Variants in STAG1 observed in about 807,000 individuals in gnomAD.
The protein encoded by STAG1 is cohesin subunit SA-1.
Under a neutral mutation model 170.9 loss-of-function variants are expected in STAG1, and 26 were observed. The ratio of observed to expected loss-of-function variants is 0.15; its 90% CI spans 0.11 to 0.21. The LOEUF is 0.21. STAG1 is among the 10% of genes least tolerant of loss of function. The pLI, the probability that STAG1 is intolerant of heterozygous loss-of-function variation, is 1.00. For missense variants in STAG1, 964 were observed against 1,509.5 expected, an observed-to-expected ratio of 0.64 and a Z score of 5.99; for synonymous variants, 514 against 497.7, an observed-to-expected ratio of 1.03 and a Z score of -0.44.
chr3:136,466,044 A>C (rs1265727989), intron 12 of STAG1, among the ~76,000 whole-genome samples: 4 of 152,142 alleles, frequency 2.6e-5, no homozygotes, highest in Non-Finnish European at 5.9e-5. Flanking sequence ...TAAAACCACA[A>C]AGATGGGGAA....
chr3:136,366,540 T>G (rs901311193), intron 25 of STAG1, among the ~76,000 whole-genome samples: 21 of 152,056 alleles, frequency 1.4e-4, no homozygotes, highest in African/African-American at 5.1e-4. Context: ...AAGACACAAG[T>G]AGATCAAATG....
At chr3:136,700,876 C>CTTTTTTTTTTTTTTTTTTTTTTT (rs35459362) in intron 1 of STAG1, among the ~76,000 whole-genome samples, 2 of 78,358 alleles carry the variant, frequency 2.6e-5, no homozygotes, top group Non-Finnish European at 4.6e-5. Context: ...TATTTTTTTT[C>CTTTTTTTTTTTTTTTTTTTTTTT]TTTTTTTTTT....
intron 5 of STAG1, among the ~76,000 whole-genome samples, chr3:136,561,904 C>A (rs1432996571): frequency 6.6e-6 from 1 of 151,568 alleles, no homozygotes; most frequent in Admixed American, 6.6e-5. Flanking sequence ...TGAATACCTT[C>A]CACCCAAATT....
chr3:136,551,190 A>G (rs1438071627), intron 5 of STAG1, among the ~76,000 whole-genome samples: 103 of 119,742 alleles, frequency 8.6e-4, no homozygotes, highest in Non-Finnish European at 1.1e-3. Context: ...TGAGAGAGAG[A>G]GAGAGGTTGA....
rs80038866 is a variant in STAG1 at position 136,735,457 on chromosome 3, C to T, written c.-84+16738G>A. Among the ~76,000 whole-genome samples, 295 of 149,318 alleles carry T rather than the reference C, an allele frequency of 2.0e-3. 2 individuals carry two copies. Among genetic ancestry groups the T allele is most frequent in the Middle Eastern group, 0.011 (3 of 264 alleles). On this transcript the variant is annotated intron_variant, in intron 1 of 33. Transcript: ENST00000383202. Reference sequence around the variant, plus strand: ...CTGCATTTTTTTTTTCCTTTTTTGACGCAGGGTCTCATTTTGTTGCCCAGG... The same window carrying T: ...CTGCATTTTTTTTTTCCTTTTTTGATGCAGGGTCTCATTTTGTTGCCCAGG...
intron 22 of STAG1, among the ~76,000 whole-genome samples, chr3:136,395,935 G>A (rs906221237): frequency 7.9e-5 from 12 of 152,028 alleles, no homozygotes; most frequent in African/African-American, 2.2e-4. Flanking sequence ...CAAGAGGCTC[G>A]CTCTGTCACC....
intron 1 of STAG1, among the ~76,000 whole-genome samples, chr3:136,701,413 T>C (rs1943057422): frequency 6.6e-6 from 1 of 152,160 alleles, no homozygotes; most frequent in Non-Finnish European, 1.5e-5. Flanking sequence ...CGTGTGTGTG[T>C]GTGTATAAAA....
intron 1 of STAG1, among the ~76,000 whole-genome samples, chr3:136,734,015 G>A (rs1222460331): frequency 1.3e-5 from 2 of 151,256 alleles, no homozygotes; most frequent in East Asian, 1.9e-4. Context: ...GCTGAGGCAG[G>A]AGAATGGCGT....
intron 1 of STAG1, among the ~76,000 whole-genome samples, chr3:136,633,962 T>TAAAAAAAAAAAAAAAAAAAAAAAAA (rs67810422): frequency 2.0e-5 from 1 of 50,354 alleles, no homozygotes; most frequent in Non-Finnish European, 4.2e-5. Flanking sequence ...TGTCTCTACT[T>TAAAAAAAAAAAAAAAAAAAAAAAAA]AAAAAAAAAA....
At chr3:136,580,168 C>G (rs1003626620) in intron 4 of STAG1, among the ~76,000 whole-genome samples, 12 of 151,864 alleles carry the variant, frequency 7.9e-5, no homozygotes, top group African/African-American at 2.9e-4. Flanking sequence ...GAGGTTTCAT[C>G]ATGTTGGCCA....
intron 22 of STAG1, among the ~76,000 whole-genome samples, chr3:136,391,367 TC>T (rs2087004955): frequency 2.1e-5 from 2 of 96,150 alleles, no homozygotes; most frequent in African/African-American, 6.5e-5. Flanking sequence ...ACTTTAGCCC[TC>T]TTTTTTTTTT....
At chr3:136,499,438 A>T (rs1262057784) in intron 9 of STAG1, among the ~76,000 whole-genome samples, 1 of 152,190 alleles carries the variant, frequency 6.6e-6, no homozygotes, top group Non-Finnish European at 1.5e-5. Context: ...TTAGGATTAC[A>T]GGGATGAGCG....
intron 20 of STAG1, among the ~76,000 whole-genome samples, chr3:136,420,211 C>T (rs929275222): frequency 1.6e-5 from 2 of 122,562 alleles, no homozygotes; most frequent in African/African-American, 6.3e-5. Context: ...CGGGCCACTA[C>T]ATTCCAGTCT....
rs150795750 is a variant in STAG1 at position 136,563,536 on chromosome 3, A to ACTCT, written c.394+5225_394+5228dup. Among the ~76,000 whole-genome samples, 200 of 136,610 alleles carry ACTCT rather than the reference A, an allele frequency of 1.5e-3. 1 individual carries two copies. The highest frequency in any genetic ancestry group is 3.7e-3 in the African/African-American group (128 of 34,526). The allele number at this position is 136,610 out of a possible 152,430, so 89.6% of individuals were successfully genotyped here. A position where few individuals can be genotyped will look rare whatever the true frequency, so the allele number is the denominator to read the frequency against. On this transcript the variant is annotated intron_variant, in intron 5 of 33. Coordinates refer to ENST00000383202, the MANE Select transcript of STAG1 (RefSeq NM_005862.3). ...CACACACACACGCACGCACGCACAA[A>ACTCT]CTCTCTCTCTCTCTCTCTCGCTCTT... is the stretch of plus-strand genomic sequence containing the variant.
intron 1 of STAG1, among the ~76,000 whole-genome samples, chr3:136,633,261 G>A (rs1170208307): frequency 6.7e-6 from 1 of 148,984 alleles, no homozygotes; most frequent in Middle Eastern, 3.2e-3. Flanking sequence ...AAAAAAGGCA[G>A]TAGGATGACA....
intron 24 of STAG1, among the ~76,000 whole-genome samples, chr3:136,368,443 C>A (rs944642253): frequency 6.6e-6 from 1 of 152,120 alleles, no homozygotes; most frequent in African/African-American, 2.4e-5. Flanking sequence ...AGGTTTTGTT[C>A]ATTTAAGTAA....
chr3:136,407,277 G>A (rs896958838), intron 21 of STAG1, among the ~76,000 whole-genome samples: 4 of 151,964 alleles, frequency 2.6e-5, no homozygotes, highest in Non-Finnish European at 5.9e-5. Context: ...CACCTGCCTC[G>A]GCCTCCCAAA....
intron 21 of STAG1, among the ~76,000 whole-genome samples, chr3:136,405,779 A>C: frequency 8.2e-6 from 1 of 121,634 alleles, no homozygotes; most frequent in East Asian, 2.9e-4. Context: ...TGACAGAATG[A>C]GACTCTATCT....
At chr3:136,652,098 T>C (rs900682199) in intron 1 of STAG1, among the ~76,000 whole-genome samples, 1 of 152,080 alleles carries the variant, frequency 6.6e-6, no homozygotes, top group Non-Finnish European at 1.5e-5. Flanking sequence ...CAATAAAAGA[T>C]TTCACAAAGG....
Sources: gnomAD v4.1 joint callset for allele counts (sites outside exome capture counted in the v4.1 genomes callset) on GRCh38, gnomAD v4.1.1 for gene constraint, MANE v1.5 for transcripts, NCBI Gene and HGNC (gene_info 2026-07-23, HGNC 2026-07-21) for gene names.